TTLL11: variants seen among roughly 807,000 people sequenced by gnomAD.
TTLL11 encodes tubulin polyglutamylase TTLL11.
Under a neutral mutation model 51.7 loss-of-function variants are expected in TTLL11, and 42 were observed. The ratio of observed to expected loss-of-function variants is 0.81; its 90% CI spans 0.64 to 1.05. The LOEUF (loss-of-function observed/expected upper bound fraction) is 1.05, where lower values mean the gene tolerates loss of function less well. TTLL11 is among the 50% of genes least tolerant of loss of function. TTLL11 has a pLI of 0.00. For missense variants in TTLL11, 799 were observed against 940.4 expected, an observed-to-expected ratio of 0.85 and a Z score of 1.97; for synonymous variants, 381 against 383.5, an observed-to-expected ratio of 0.99 and a Z score of 0.08.
At chr9:122,005,867 A>G (rs1843627182) in intron 3 of TTLL11, among the ~76,000 whole-genome samples, 1 of 152,220 alleles carries the variant, frequency 6.6e-6, no homozygotes, top group South Asian at 2.1e-4. Flanking sequence ...ATTACTGGGC[A>G]GAGGCCTGGA....
intron 6 of TTLL11, among the ~76,000 whole-genome samples, chr9:121,921,130 A>C (rs758260259): frequency 4.6e-5 from 7 of 152,226 alleles, no homozygotes; most frequent in Non-Finnish European, 7.3e-5. Context: ...ATCAAAGAGG[A>C]AGACACCAGT....
chr9:121,922,412 A>G (rs1840577641), intron 6 of TTLL11, among the ~76,000 whole-genome samples: 1 of 152,110 alleles, frequency 6.6e-6, no homozygotes, highest in South Asian at 2.1e-4. Context: ...CTCTGAAGGA[A>G]TTCTTGGGGT....
chr9:121,826,465 GTGT>G, intron 8 of TTLL11, among the ~76,000 whole-genome samples: 1 of 77,956 alleles, frequency 1.3e-5, no homozygotes, highest in Non-Finnish European at 2.5e-5. Flanking sequence ...ATATATATGT[GTGT>G]ATATATATAT....
At chr9:121,903,818 A>G (rs1839845843) in intron 6 of TTLL11, among the ~76,000 whole-genome samples, 2 of 152,230 alleles carry the variant, frequency 1.3e-5, no homozygotes, top group South Asian at 4.1e-4. Flanking sequence ...AGCAAATCGG[A>G]TGGTACAATT....
intron 8 of TTLL11, among the ~76,000 whole-genome samples, chr9:121,834,691 G>C (rs1837134378): frequency 6.6e-6 from 1 of 152,070 alleles, no homozygotes. Flanking sequence ...GCCGGGCATG[G>C]TGGCACACAC....
At chr9:122,046,628 G>C (rs1845011242) in intron 1 of TTLL11, among the ~76,000 whole-genome samples, 1 of 152,110 alleles carries the variant, frequency 6.6e-6, no homozygotes, top group South Asian at 2.1e-4. Context: ...CATCCTCCCA[G>C]TTTCCCGAGT....
intron 1 of TTLL11, among the ~76,000 whole-genome samples, chr9:122,069,217 C>A (rs1287126137): frequency 6.6e-6 from 1 of 152,166 alleles, no homozygotes; most frequent in African/African-American, 2.4e-5. Flanking sequence ...TTCTAAGGGG[C>A]TGGGAATACA....
chr9:121,892,133 T>TATATATATTC (rs1839265376), intron 6 of TTLL11, among the ~76,000 whole-genome samples: 1 of 146,894 alleles, frequency 6.8e-6, no homozygotes, highest in African/African-American at 2.5e-5. Flanking sequence ...CTTCTACCTT[T>TATATATATTC]ATATATATAC....
At chr9:121,998,396 C>T (rs906319191) in intron 3 of TTLL11, among the ~76,000 whole-genome samples, 3 of 152,112 alleles carry the variant, frequency 2.0e-5, no homozygotes, top group Non-Finnish European at 4.4e-5. Context: ...AAGCGATTCT[C>T]GTGCCTCAGC....
At chr9:122,007,991 C>A (rs1309630529) in intron 3 of TTLL11, among the ~76,000 whole-genome samples, 1 of 152,138 alleles carries the variant, frequency 6.6e-6, no homozygotes, top group Admixed American at 6.5e-5. Flanking sequence ...AGATATGATA[C>A]CCACGAGAAA....
chr9:121,904,856 G>C (rs1166499788), intron 6 of TTLL11, among the ~76,000 whole-genome samples: 1 of 152,210 alleles, frequency 6.6e-6, no homozygotes, highest in Non-Finnish European at 1.5e-5. Flanking sequence ...TCTGGGTCCA[G>C]CCGTGAATAA....
At chr9:121,998,187 C>T (rs1564349157) in intron 3 of TTLL11, among the ~76,000 whole-genome samples, 1 of 152,156 alleles carries the variant, frequency 6.6e-6, no homozygotes, top group Non-Finnish European at 1.5e-5. Flanking sequence ...TCACTGGGCC[C>T]AGCTTTTCCT....
In TTLL11 at chr9:121,870,627, C is replaced by A; in HGVS notation, c.1603G>T (p.Val535Leu). ...AACTGTTTTGCGTACTTGGGGAACA[C>A]CTGCTTGAGGCAAATGGAAGGCAGG... ...AHLPSICLKQVFPKYAKQFNY... is the reference protein window; with the variant it reads ...AHLPSICLKQLFPKYAKQFNY... The change falls in exon 7 of 9, where the codon GTG (valine) becomes TTG (leucine). Residue 535 changes from valine to leucine, a missense_variant. Physicochemically the swap from Val to Leu is conservative, Grantham distance 32. Transcript: ENST00000321582. The A allele has an allele frequency of 1.9e-6, 3 of 1,551,794 alleles. No individual in the cohort carries two copies. The highest frequency in any genetic ancestry group is 2.6e-6 in the Non-Finnish European group (3 of 1,147,026).
chr9:122,044,748 T>A (rs1206887324), intron 1 of TTLL11, among the ~76,000 whole-genome samples: 2 of 152,206 alleles, frequency 1.3e-5, no homozygotes, highest in Non-Finnish European at 2.9e-5. Flanking sequence ...ATATTTAACA[T>A]CATTAATCAT....
At chr9:122,038,763 T>C (rs1243459951) in intron 2 of TTLL11, among the ~76,000 whole-genome samples, 1 of 152,208 alleles carries the variant, frequency 6.6e-6, no homozygotes, top group Non-Finnish European at 1.5e-5. Flanking sequence ...CTAAGATTTC[T>C]CCTTGCAGGA....
At chr9:121,937,732 A>G (rs551120877) in intron 6 of TTLL11, among the ~76,000 whole-genome samples, 7 of 152,188 alleles carry the variant, frequency 4.6e-5, no homozygotes, top group Non-Finnish European at 8.8e-5. Flanking sequence ...TCCTGAAATA[A>G]GAATATTCAA....
intron 8 of TTLL11, among the ~76,000 whole-genome samples, chr9:121,850,065 TTTTTA>T (rs869273233): frequency 2.8e-4 from 24 of 85,398 alleles, no homozygotes; most frequent in African/African-American, 1.2e-3. Context: ...GTTATATTAT[TTTTTA>T]TTTTTCTTAA....
chr9:121,938,288 C>CAAAAAAAAAAAAAA (rs772725991), intron 6 of TTLL11, among the ~76,000 whole-genome samples: 1 of 133,674 alleles, frequency 7.5e-6, no homozygotes, highest in Non-Finnish European at 1.6e-5. Flanking sequence ...GACGCTGTCT[C>CAAAAAAAAAAAAAA]AAAAAGAAAA....
At chr9:121,925,594 A>G (rs1489653602) in intron 6 of TTLL11, among the ~76,000 whole-genome samples, 1 of 152,132 alleles carries the variant, frequency 6.6e-6, no homozygotes, top group Non-Finnish European at 1.5e-5. Flanking sequence ...TCCTCAGCAA[A>G]GCCCTCCAGA....
Sources: allele counts gnomAD v4.1 joint callset (sites outside exome capture counted in the v4.1 genomes callset), GRCh38; gene constraint gnomAD v4.1.1; transcripts MANE v1.5; gene names NCBI Gene and HGNC (gene_info 2026-07-23, HGNC 2026-07-21).